Variants in WDR75 observed in about 807,000 individuals in gnomAD.
WDR75 encodes WD repeat domain 75, also known as WD repeat-containing protein 75.
WDR75 carries 52 observed loss-of-function variants against 106.1 expected under a neutral mutation model. That is an observed-to-expected ratio of 0.49 (90% CI 0.39 to 0.62). The LOEUF (loss-of-function observed/expected upper bound fraction) is 0.62. WDR75 is among the 20% of genes least tolerant of loss of function. The pLI is 0.00. For missense variants in WDR75, 905 were observed against 970.3 expected (o/e 0.93, Z 0.89); for synonymous variants, 333 against 335.5 (o/e 0.99, Z 0.08).
At chr2:189,453,359 C>T (rs13430915) in intron 4 of WDR75, among the ~76,000 whole-genome samples, 9,861 of 152,146 alleles carry the variant, frequency 0.065, 500 homozygotes, top group African/African-American at 0.14. Context: ...GCTCATCACT[C>T]GTATTTGGTA....
chr2:189,450,895 C>A lies in WDR75; in HGVS notation c.217-8C>A. The A allele has an allele frequency of 1.2e-6, 2 of 1,602,572 alleles. No homozygotes were observed. Among genetic ancestry groups the A allele is most frequent in the Non-Finnish European group, 1.7e-6 (2 of 1,177,022 alleles). ...TTAAATCAATTTTGTATTGTTTTAC[C>A]CTTTTAGCTGTATTCTTGTTCCCTT... On this transcript the variant is annotated splice_polypyrimidine_tract_variant and splice_region_variant and intron_variant, in intron 2 of 20. Transcript: ENST00000314761.
intron 1 of WDR75, among the ~76,000 whole-genome samples, chr2:189,443,592 C>G (rs1285221354): frequency 2.0e-5 from 3 of 152,040 alleles, no homozygotes; most frequent in Non-Finnish European, 2.9e-5. Context: ...GAAATGAGAG[C>G]TGGGTAGGCT....
At chr2:189,465,886 T>C (rs1574201145) in intron 12 of WDR75, among the ~76,000 whole-genome samples, 1 of 152,280 alleles carries the variant, frequency 6.6e-6, no homozygotes, top group South Asian at 2.1e-4. Flanking sequence ...TGATGTTCTT[T>C]TAAGAACACA....
chr2:189,441,567 T>C lies in WDR75; in HGVS notation c.75T>C (p.Ser25=). The C allele has an allele frequency of 6.4e-7, 1 of 1,559,162 alleles. No individual in the cohort carries two copies. The highest frequency in any genetic ancestry group is 8.7e-7 in the Non-Finnish European group (1 of 1,150,544). ...SELNFRRAVF[S]ADSKYIFCVS... ...TGAACTTTAGGAGAGCTGTGTTCTC[T>C]GCAGATTCTAAGTATGAGGGGCACC... The change falls in exon 1 of 21, where the codon TCT becomes TCC. Residue 25 remains serine, a synonymous_variant. Coordinates refer to ENST00000314761, the MANE Select transcript of WDR75 (RefSeq NM_032168.3).
At chr2:189,464,472 A>G (rs1453760222) in intron 11 of WDR75, among the ~76,000 whole-genome samples, 2 of 151,578 alleles carry the variant, frequency 1.3e-5, no homozygotes, top group Non-Finnish European at 2.9e-5. Flanking sequence ...GCTCTTTCTC[A>G]CCGTGGCCTT....
chr2:189,469,651 C>T (rs1376861524), intron 16 of WDR75, among the ~76,000 whole-genome samples: 1 of 152,120 alleles, frequency 6.6e-6, no homozygotes, highest in Non-Finnish European at 1.5e-5. Context: ...TTTCCACAAG[C>T]CAATTCGTAC....
At chr2:189,457,258 A>G (rs1686759023) in intron 5 of WDR75, 53 bp from the exon 6 acceptor site, 4 of 1,309,988 alleles carry the variant, frequency 3.1e-6, no homozygotes, top group Non-Finnish European at 4.3e-6. Context: ...AAAAGAAAAA[A>G]AAAAGAGTGT....
Position 189,451,905 on chromosome 2 carries a change from A to G in WDR75, c.373+10A>G. 6.3e-7 allele frequency: 1 copy of G among 1,599,678 alleles called. No homozygotes were observed. Among genetic ancestry groups the G allele is most frequent in the Non-Finnish European group, 8.6e-7 (1 of 1,168,252 alleles). On this transcript the variant is annotated intron_variant, in intron 4 of 20. Transcript: ENST00000314761. ...AATAAAGAAAAACCAGGTATGGTAT[A>G]ATTAACTTACTATATATGGCATTGA...
At chr2:189,474,417 T>G in intron 19 of WDR75, 85 bp downstream of exon 19, 3 of 1,446,684 alleles carry the variant, frequency 2.1e-6, no homozygotes, top group Non-Finnish European at 2.8e-6. Context: ...CAATCTGTAA[T>G]TTGTATGCTG....
Position 189,469,960 on chromosome 2 carries a change from G to A in WDR75, c.1820-116G>A, listed in dbSNP as rs376973668. The A allele has an allele frequency of 1.7e-5, 15 of 893,156 alleles. No homozygotes were observed. In the East Asian group the frequency reaches 2.7e-4, roughly 16 times the overall value. 55.3% of individuals were successfully genotyped at this position (893,156 alleles called of 1,614,324 possible). A position where few individuals can be genotyped will look rare whatever the true frequency, so the allele number is the denominator to read the frequency against. ...TTGAATCAAAGCCTAAAACAGTCAT[G>A]ACTTGGGCCAGTTACTCAATGGGGT... is the stretch of plus-strand genomic sequence containing the variant. On this transcript the variant is annotated intron_variant, in intron 16 of 20. Coordinates refer to ENST00000314761, the MANE Select transcript of WDR75 (RefSeq NM_032168.3).
chr2:189,442,442 CTTTTT>C (rs1188214718), intron 1 of WDR75, among the ~76,000 whole-genome samples: 99 of 73,954 alleles, frequency 1.3e-3, no homozygotes, highest in South Asian at 5.4e-3. Flanking sequence ...CCACAATATT[CTTTTT>C]TTTTTTTTTT....
At chr2:189,467,418 T>C in intron 13 of WDR75, 50 bp from the exon 14 acceptor site, 1 of 1,522,328 alleles carries the variant, frequency 6.6e-7, no homozygotes, top group Non-Finnish European at 8.8e-7. Context: ...TACTGTAGCA[T>C]TCTCTAGCAT....
chr2:189,456,200 A>C (rs1686731278), intron 5 of WDR75, among the ~76,000 whole-genome samples: 1 of 152,172 alleles, frequency 6.6e-6, no homozygotes, highest in Non-Finnish European at 1.5e-5. Flanking sequence ...ACTAATTAAA[A>C]CCGTAGCAAC....
intron 19 of WDR75, 29 bp downstream of exon 19, chr2:189,474,361 A>G (rs1281004926): frequency 6.3e-7 from 1 of 1,590,474 alleles, no homozygotes; most frequent in Non-Finnish European, 8.5e-7. Flanking sequence ...CATGTGAAAC[A>G]GATTAAATGC....
intron 3 of WDR75, among the ~76,000 whole-genome samples, chr2:189,451,601 G>A (rs7572416): frequency 0.065 from 9,866 of 152,226 alleles, 497 homozygotes; most frequent in African/African-American, 0.14. Context: ...GATACATTCA[G>A]TACAATACCA....
intron 12 of WDR75, 151 bp from the exon 13 acceptor site, chr2:189,466,274 G>C (rs1686997395): frequency 1.2e-6 from 1 of 826,082 alleles, no homozygotes; most frequent in South Asian, 1.6e-5. Context: ...GTGGCCATTA[G>C]AGGTAGAGCA....
chr2:189,446,540 T>A (rs1404302071), intron 1 of WDR75, among the ~76,000 whole-genome samples: 1 of 152,196 alleles, frequency 6.6e-6, no homozygotes, highest in Non-Finnish European at 1.5e-5. Flanking sequence ...AGACCATTGA[T>A]TATAAGATGC....
intron 5 of WDR75, chr2:189,455,670 T>G (rs1686719400): frequency 2.8e-6 from 1 of 359,518 alleles, no homozygotes; most frequent in Non-Finnish European, 4.9e-6. Flanking sequence ...GTAAACTCTC[T>G]TAGACTATGT....
intron 1 of WDR75, 117 bp downstream of exon 1, chr2:189,441,695 G>C: frequency 8.5e-7 from 1 of 1,176,866 alleles, no homozygotes; most frequent in Non-Finnish European, 1.2e-6. Flanking sequence ...ATCGGCTTTG[G>C]GTAGAGCACG....
Sources: allele counts gnomAD v4.1 joint callset (sites outside exome capture counted in the v4.1 genomes callset), GRCh38; gene constraint gnomAD v4.1.1; transcripts MANE v1.5; gene names NCBI Gene and HGNC (gene_info 2026-07-23, HGNC 2026-07-21).